The following DPP10 variants were observed in gnomAD, a reference collection of about 807,000 sequenced individuals.
DPP10 encodes the protein inactive dipeptidyl peptidase 10.
A neutral mutation model predicts 120.9 loss-of-function variants in DPP10; 33 were observed. The ratio of observed to expected loss-of-function variants is 0.27; its 90% CI spans 0.21 to 0.37. The LOEUF is 0.37. Among genes scored for constraint, DPP10 ranks in the 10% least tolerant of loss-of-function variants. The probability of loss-of-function intolerance (pLI) is 1.00; values close to 1 mark genes in which losing one functional copy is unlikely to be tolerated. For missense variants in DPP10, 816 were observed against 942.8 expected (o/e 0.87, Z 1.76); for synonymous variants, 337 against 326.1 (o/e 1.03, Z -0.36).
intron 13 of DPP10, among the ~76,000 whole-genome samples, chr2:115,769,850 G>A (rs952496065): frequency 6.6e-6 from 1 of 151,894 alleles, no homozygotes; most frequent in Non-Finnish European, 1.5e-5. Flanking sequence ...AAATATTAGA[G>A]AACTATTTTG....
intron 1 of DPP10, among the ~76,000 whole-genome samples, chr2:114,816,256 A>G (rs1685633067): frequency 6.6e-6 from 1 of 152,222 alleles, no homozygotes; most frequent in African/African-American, 2.4e-5. Context: ...CTAAAAGGCC[A>G]GATAGTAAAT....
chr2:115,746,506 AT>A (rs900123133), intron 10 of DPP10, among the ~76,000 whole-genome samples: 2 of 151,904 alleles, frequency 1.3e-5, no homozygotes, highest in Admixed American at 6.6e-5. Flanking sequence ...GTTGCTCCAC[AT>A]TTTTTTTGAA....
Position 115,381,466 on chromosome 2 carries a change from CA to C in DPP10, c.271+37557del, listed in dbSNP as rs2066349206. Among the ~76,000 whole-genome samples, 4 of 152,084 alleles carry C rather than the reference CA, an allele frequency of 2.6e-5. No individual in the cohort carries two copies. In the South Asian group the frequency reaches 8.3e-4, roughly 32 times the overall value. The stretch of plus-strand genomic sequence containing the variant: ...GTTATACATTCTTCTAAATTTTTTT[CA>C]AAGTTTTCAACTTCTTTGCCTCTGC... On this transcript the variant is annotated intron_variant, in intron 3 of 25. Transcript: ENST00000410059.
chr2:114,636,807 T>C (rs1290522676), intron 1 of DPP10, among the ~76,000 whole-genome samples: 1 of 151,782 alleles, frequency 6.6e-6, no homozygotes, highest in Admixed American at 6.6e-5. Flanking sequence ...CCTTAGATGG[T>C]TTTTGATATA....
chr2:114,934,318 A>G (rs1231416692), intron 1 of DPP10, among the ~76,000 whole-genome samples: 2 of 152,236 alleles, frequency 1.3e-5, no homozygotes, highest in Admixed American at 6.5e-5. Context: ...CAGTTAATTG[A>G]CACGTGTATT....
At chr2:115,313,941 A>G (rs2061683261) in intron 2 of DPP10, among the ~76,000 whole-genome samples, 1 of 152,120 alleles carries the variant, frequency 6.6e-6, no homozygotes, top group Admixed American at 6.6e-5. Flanking sequence ...GTTTATTTTG[A>G]GAATATGTTA....
intron 1 of DPP10, among the ~76,000 whole-genome samples, chr2:114,499,117 G>A (rs543074512): frequency 6.6e-6 from 1 of 152,320 alleles, no homozygotes; most frequent in South Asian, 2.1e-4. Context: ...CATGGTGGCA[G>A]CTATCCCTGA....
intron 1 of DPP10, among the ~76,000 whole-genome samples, chr2:114,498,377 G>A (rs1479450956): frequency 6.6e-6 from 1 of 152,086 alleles, no homozygotes; most frequent in African/African-American, 2.4e-5. Flanking sequence ...ACTTCTGTAA[G>A]TTTAATGTTT....
chr2:115,309,123 A>T, intron 1 of DPP10, 116 bp from the exon 2 acceptor site: 1 of 738,044 alleles, frequency 1.4e-6, no homozygotes, highest in South Asian at 1.8e-5. Context: ...CTGAAGAGGA[A>T]ATGGATTCTA....
At chr2:115,501,222 A>G (rs1017236178) in intron 4 of DPP10, among the ~76,000 whole-genome samples, 1 of 152,070 alleles carries the variant, frequency 6.6e-6, no homozygotes, top group African/African-American at 2.4e-5. Flanking sequence ...ACTCATTTAC[A>G]CAAGTCAGTG....
chr2:114,932,628 AG>A (rs1469762479), intron 1 of DPP10, among the ~76,000 whole-genome samples: 1 of 152,210 alleles, frequency 6.6e-6, no homozygotes, highest in Non-Finnish European at 1.5e-5. Context: ...AATAGAAATC[AG>A]AATAGTGTAA....
chr2:115,479,464 AG>A (rs1157477464), intron 3 of DPP10, among the ~76,000 whole-genome samples: 2 of 152,130 alleles, frequency 1.3e-5, no homozygotes, highest in Non-Finnish European at 2.9e-5. Context: ...GCAAGATGAA[AG>A]GGGTTCTGAA....
chr2:115,769,855 A>G (rs1427404051), intron 13 of DPP10, among the ~76,000 whole-genome samples: 2 of 152,078 alleles, frequency 1.3e-5, no homozygotes, highest in South Asian at 2.1e-4. Context: ...TTAGAGAACT[A>G]TTTTGGCCCC....
intron 3 of DPP10, among the ~76,000 whole-genome samples, chr2:115,452,839 T>A (rs969330993): frequency 6.6e-6 from 1 of 151,896 alleles, no homozygotes; most frequent in Non-Finnish European, 1.5e-5. Context: ...ATCAGACATA[T>A]TCGTTTAGTA....
chr2:115,328,049 T>A (rs1466731688), intron 2 of DPP10, among the ~76,000 whole-genome samples: 1 of 152,052 alleles, frequency 6.6e-6, no homozygotes, highest in Non-Finnish European at 1.5e-5. Context: ...TCCACAACCA[T>A]ACACCAGAAA....
chr2:115,051,270 A>G (rs1265147898), intron 1 of DPP10, among the ~76,000 whole-genome samples: 4 of 152,320 alleles, frequency 2.6e-5, no homozygotes, highest in Non-Finnish European at 4.4e-5. Flanking sequence ...GAAGAAAATA[A>G]TGATAACAAT....
At chr2:115,547,817 G>A (rs2079608259) in intron 5 of DPP10, among the ~76,000 whole-genome samples, 1 of 150,076 alleles carries the variant, frequency 6.7e-6, no homozygotes, top group African/African-American at 2.5e-5. Context: ...AATGACAGAA[G>A]AGCTTGCATA....
intron 1 of DPP10, among the ~76,000 whole-genome samples, chr2:115,206,285 C>A (rs527795996): frequency 6.6e-6 from 1 of 152,150 alleles, no homozygotes; most frequent in Admixed American, 6.5e-5. Flanking sequence ...CCATACGCCT[C>A]CAGAAACCAA....
intron 1 of DPP10, among the ~76,000 whole-genome samples, chr2:114,484,235 C>T (rs1681306810): frequency 6.6e-6 from 1 of 152,132 alleles, no homozygotes; most frequent in African/African-American, 2.4e-5. Flanking sequence ...CTGGGATCCA[C>T]TCTAGACTTG....
Sources: gnomAD v4.1 joint callset for allele counts (sites outside exome capture counted in the v4.1 genomes callset) on GRCh38, gnomAD v4.1.1 for gene constraint, MANE v1.5 for transcripts, NCBI Gene and HGNC (gene_info 2026-07-23, HGNC 2026-07-21) for gene names.